The following ADAP1 variants were observed in gnomAD, a reference collection of about 807,000 sequenced individuals.
ADAP1 encodes the protein ArfGAP with dual PH domains 1, also known as arf-GAP with dual PH domain-containing protein 1.
A neutral mutation model predicts 54.9 loss-of-function variants in ADAP1; 31 were observed. The observed-to-expected ratio is 0.56, with a 90% CI of 0.42 to 0.76. ADAP1 has a LOEUF of 0.76. ADAP1 is among the 30% of genes least tolerant of loss of function. The pLI, the probability that ADAP1 is intolerant of heterozygous loss-of-function variation, is 0.00. For missense variants in ADAP1, 535 were observed against 512.4 expected, an observed-to-expected ratio of 1.04 and a Z score of -0.42; for synonymous variants, 313 against 202.6, an observed-to-expected ratio of 1.55 and a Z score of -4.63.
Position 899,025 on chromosome 7 carries a change from C to T in ADAP1, c.1096+8G>A, listed in dbSNP as rs775931714. On this transcript the variant is annotated splice_region_variant and intron_variant, in intron 10 of 10. Coordinates refer to ENST00000265846, the MANE Select transcript of ADAP1 (RefSeq NM_006869.4). ...CCTTCCAGGCCGCCGGCCGCCCGCC[C>T]CCCTCACCTGCGTACTCCTGGGGCA... 9 of 1,609,874 alleles carry T rather than the reference C, an allele frequency of 5.6e-6. No homozygotes were observed. The Admixed American group carries it at 1.5e-4, about 27-fold the overall frequency.
At chr7:903,431 G>C (rs1282041250) in intron 6 of ADAP1, among the ~76,000 whole-genome samples, 1 of 152,154 alleles carries the variant, frequency 6.6e-6, no homozygotes, top group Non-Finnish European at 1.5e-5. Flanking sequence ...TTCCCAACGG[G>C]GGTTAGGAGG....
intron 4 of ADAP1, among the ~76,000 whole-genome samples, chr7:910,810 G>A (rs1009820857): frequency 3.9e-5 from 6 of 152,102 alleles, no homozygotes; most frequent in South Asian, 2.1e-4. Context: ...CTCTGAGAAC[G>A]GGGCCGAGGC....
rs868409470 is a variant in ADAP1 at position 906,517 on chromosome 7, A to G, written c.389-1345T>C. Among the ~76,000 whole-genome samples, 10 of 59,188 alleles carry G rather than the reference A, an allele frequency of 1.7e-4. 2 individuals are homozygous for G. Among genetic ancestry groups the G allele is most frequent in the East Asian group, 9.9e-4 (1 of 1,014 alleles). The allele number at this position is 59,188 out of a possible 152,430, so 38.8% of individuals were successfully genotyped here. On this transcript the variant is annotated intron_variant, in intron 4 of 10. Coordinates refer to ENST00000265846, the MANE Select transcript of ADAP1 (RefSeq NM_006869.4). ...GAAAGGAGAAAGGGAGAAAGGAGAA[A>G]GGAGAAAGGGAAAGGAGAAAGGAGA...
intron 6 of ADAP1, among the ~76,000 whole-genome samples, chr7:903,109 C>A (rs564696861): frequency 6.6e-6 from 1 of 152,256 alleles, no homozygotes; most frequent in African/African-American, 2.4e-5. Context: ...GCTCCTGGTG[C>A]CCGACTGCCT....
At chr7:914,053 C>T (rs986228312) in intron 4 of ADAP1, among the ~76,000 whole-genome samples, 5 of 152,276 alleles carry the variant, frequency 3.3e-5, no homozygotes, top group African/African-American at 9.6e-5. Context: ...GTGGCCCACA[C>T]ACAGGACATC....
chr7:950,068 A>ACACG (rs1426478753), intron 1 of ADAP1, among the ~76,000 whole-genome samples: 1 of 152,242 alleles, frequency 6.6e-6, no homozygotes, highest in African/African-American at 2.4e-5. Flanking sequence ...ACAAACGGGC[A>ACACG]CACGCAATGT....
intron 3 of ADAP1, among the ~76,000 whole-genome samples, chr7:922,100 C>T (rs531501165): frequency 6.6e-6 from 1 of 152,182 alleles, no homozygotes; most frequent in Non-Finnish European, 1.5e-5. Context: ...CTCCTGAAAA[C>T]CAGTACTGCC....
intron 1 of ADAP1, among the ~76,000 whole-genome samples, chr7:940,144 C>A (rs1003401763): frequency 6.6e-6 from 1 of 152,018 alleles, no homozygotes; most frequent in African/African-American, 2.4e-5. Flanking sequence ...ACATGAACAG[C>A]CTACTGGGGA....
At chr7:906,770 GGGGACA>G (rs1426151515) in intron 4 of ADAP1, among the ~76,000 whole-genome samples, 353 of 28,702 alleles carry the variant, frequency 0.012, 9 homozygotes, top group Middle Eastern at 0.06. Flanking sequence ...AGGGGACATG[GGGGACA>G]GGGGACACGG....
At chr7:952,408 G>A (rs1387768547) in intron 1 of ADAP1, among the ~76,000 whole-genome samples, 1 of 152,186 alleles carries the variant, frequency 6.6e-6, no homozygotes, top group Non-Finnish European at 1.5e-5. Context: ...ACAGCAGAAC[G>A]TGCCGGCCAC....
At chr7:899,388 CT>C (rs748294014) in intron 9 of ADAP1, 30 bp downstream of exon 9, 8 of 1,611,470 alleles carry the variant, frequency 5.0e-6, no homozygotes, top group African/African-American at 1.3e-5. Context: ...GTGAGCTGCC[CT>C]CCCGTGCTGG....
chr7:915,010 A>C (rs1178389111), intron 4 of ADAP1, among the ~76,000 whole-genome samples: 1 of 75,004 alleles, frequency 1.3e-5, no homozygotes, highest in East Asian at 6.3e-4. Flanking sequence ...GCCTCCCTGC[A>C]GCCGGGGCTC....
intron 4 of ADAP1, among the ~76,000 whole-genome samples, chr7:918,391 T>G (rs73254042): frequency 0.015 from 2,301 of 152,238 alleles, 66 homozygotes; most frequent in African/African-American, 0.051. Context: ...AATTTTTTCT[T>G]TTTTTTAAAG....
chr7:927,209 G>A, intron 2 of ADAP1: 2 of 1,278,272 alleles, frequency 1.6e-6, no homozygotes, highest in South Asian at 2.6e-5. Flanking sequence ...GGCTGAGGGA[G>A]AAGGAAACGG....
intron 2 of ADAP1, chr7:927,395 C>T (rs1467921636): frequency 7.7e-6 from 4 of 521,044 alleles, no homozygotes; most frequent in East Asian, 6.9e-5. Flanking sequence ...GGGGCCGCCA[C>T]ACCCCACGCC....
intron 4 of ADAP1, among the ~76,000 whole-genome samples, chr7:916,263 G>A (rs1004100756): frequency 3.9e-5 from 6 of 152,220 alleles, no homozygotes; most frequent in Non-Finnish European, 7.3e-5. Flanking sequence ...TAGAGACGCA[G>A]AACTAGGAGA....
At chr7:944,912 GA>G (rs1847100673) in intron 1 of ADAP1, among the ~76,000 whole-genome samples, 1 of 145,692 alleles carries the variant, frequency 6.9e-6, no homozygotes, top group Admixed American at 6.7e-5. Context: ...CCGGGGGGGT[GA>G]CTCTGGGTGA....
In ADAP1 at chr7:954,512, CG is replaced by C; in HGVS notation, c.-36del. ...GCGCCCGCGATGCCGATGCCGGGGC[CG>C]GGGCCGGGAGCGTCAGCCCGGCTCG... On this transcript the variant is annotated 5_prime_UTR_variant, in exon 1 of 11. Coordinates refer to ENST00000265846, the MANE Select transcript of ADAP1 (RefSeq NM_006869.4). The C allele has an allele frequency of 3.0e-6, 3 of 1,009,448 alleles. No individual in the cohort carries two copies. The highest frequency in any genetic ancestry group is 3.5e-6 in the Non-Finnish European group (3 of 847,814). The allele number at this position is 1,009,448 out of a possible 1,614,324, so 62.5% of individuals were successfully genotyped here. A position where few individuals can be genotyped will look rare whatever the true frequency, so the allele number is the denominator to read the frequency against.
intron 4 of ADAP1, among the ~76,000 whole-genome samples, chr7:914,029 T>C (rs925696890): frequency 2.0e-5 from 3 of 152,242 alleles, no homozygotes; most frequent in African/African-American, 7.2e-5. Context: ...TCCTCAGCCA[T>C]GGTCCTGGGT....
Sources: allele counts gnomAD v4.1 joint callset (sites outside exome capture counted in the v4.1 genomes callset), GRCh38; gene constraint gnomAD v4.1.1; transcripts MANE v1.5; gene names NCBI Gene and HGNC (gene_info 2026-07-23, HGNC 2026-07-21).